The following SLC24A2 variants were observed in gnomAD, a reference collection of about 807,000 sequenced individuals.
SLC24A2 encodes the protein solute carrier family 24 member 2.
SLC24A2 carries 36 observed loss-of-function variants against 62.0 expected under a neutral mutation model. That is an observed-to-expected ratio of 0.58 (90% CI 0.44 to 0.77). SLC24A2 has a LOEUF of 0.77. SLC24A2 is among the 30% of genes least tolerant of loss of function. The pLI, the probability that SLC24A2 is intolerant of heterozygous loss-of-function variation, is 0.00. For synonymous variants in SLC24A2, 358 were observed against 294.0 expected, an observed-to-expected ratio of 1.22 and a Z score of -2.23; for missense variants, 846 against 817.9, an observed-to-expected ratio of 1.03 and a Z score of -0.42.
chr9:19,847,682 C>T, the SLC24A2 span, among the ~76,000 whole-genome samples: 9 of 152,298 alleles, frequency 5.9e-5, no homozygotes, highest in East Asian at 7.7e-4. Flanking sequence ...TTTTGCTACC[C>T]GCACTGGAGG....
chr9:20,262,366 A>T, the SLC24A2 span, among the ~76,000 whole-genome samples: 2 of 152,220 alleles, frequency 1.3e-5, no homozygotes, highest in South Asian at 2.1e-4. Flanking sequence ...AATCAGACCT[A>T]TTCCAGGCTA....
chr9:20,048,535 A>C, the SLC24A2 span, among the ~76,000 whole-genome samples: 3 of 152,226 alleles, frequency 2.0e-5, no homozygotes, highest in Non-Finnish European at 2.9e-5. Flanking sequence ...TTACAGGCTC[A>C]CAAAGCTAGT....
chr9:20,268,310 T>TC, the SLC24A2 span, among the ~76,000 whole-genome samples: 1 of 152,284 alleles, frequency 6.6e-6, no homozygotes, highest in South Asian at 2.1e-4. Flanking sequence ...TGCTATGGTT[T>TC]GAATGTCTCC....
At chr9:20,079,337 T>G in the SLC24A2 span, among the ~76,000 whole-genome samples, 1 of 152,222 alleles carries the variant, frequency 6.6e-6, no homozygotes, top group Admixed American at 6.5e-5. Flanking sequence ...CTTGTTAAAG[T>G]TGCACAGCCA....
the SLC24A2 span, among the ~76,000 whole-genome samples, chr9:20,015,406 T>C: frequency 1.1e-4 from 16 of 152,214 alleles, 1 homozygote; most frequent in East Asian, 3.1e-3. Context: ...GGAAATATGA[T>C]GAGAGTTAGA....
the SLC24A2 span, among the ~76,000 whole-genome samples, chr9:20,017,688 T>G: frequency 6.6e-6 from 1 of 152,160 alleles, no homozygotes; most frequent in Non-Finnish European, 1.5e-5. Context: ...GAGCCCCTGG[T>G]AAATCACTGG....
At chr9:20,160,658 A>G in the SLC24A2 span, among the ~76,000 whole-genome samples, 1 of 151,272 alleles carries the variant, frequency 6.6e-6, no homozygotes, top group East Asian at 1.9e-4. Flanking sequence ...ATTCTATTAA[A>G]CAACTTGTGA....
At chr9:19,750,962 G>A (rs1185298041) in intron 2 of SLC24A2, among the ~76,000 whole-genome samples, 1 of 152,110 alleles carries the variant, frequency 6.6e-6, no homozygotes, top group East Asian at 1.9e-4. Flanking sequence ...TGGTAAGCCG[G>A]CTTCCTTCTC....
At chr9:19,591,773 C>T (rs576828533) in intron 5 of SLC24A2, among the ~76,000 whole-genome samples, 3 of 152,304 alleles carry the variant, frequency 2.0e-5, no homozygotes, top group African/African-American at 7.2e-5. Flanking sequence ...GTCTTGTCTG[C>T]TACTCGAATT....
At chr9:19,519,838 C>T (rs953250532) in intron 10 of SLC24A2, among the ~76,000 whole-genome samples, 2 of 152,174 alleles carry the variant, frequency 1.3e-5, no homozygotes, top group Non-Finnish European at 2.9e-5. Context: ...TGGGGGCTCA[C>T]GTGTAGTTCA....
At chr9:19,765,223 A>G (rs1314145103) in intron 2 of SLC24A2, among the ~76,000 whole-genome samples, 1 of 152,152 alleles carries the variant, frequency 6.6e-6, no homozygotes, top group Non-Finnish European at 1.5e-5. Flanking sequence ...TGAATACAGA[A>G]CACCAATGGG....
At chr9:20,241,518 T>C in the SLC24A2 span, among the ~76,000 whole-genome samples, 1 of 152,200 alleles carries the variant, frequency 6.6e-6, no homozygotes, top group Non-Finnish European at 1.5e-5. Context: ...TATTACTTAA[T>C]TGGGCTGTTG....
At chr9:19,605,316 T>G (rs186881403) in intron 4 of SLC24A2, among the ~76,000 whole-genome samples, 1 of 152,366 alleles carries the variant, frequency 6.6e-6, no homozygotes, top group East Asian at 1.9e-4. Flanking sequence ...TGAACACCTA[T>G]GGACCCCAGG....
chr9:19,790,712 C>T (rs1315600932), upstream of SLC24A2, among the ~76,000 whole-genome samples: 16 of 152,038 alleles, frequency 1.1e-4, no homozygotes, highest in Non-Finnish European at 2.1e-4. Context: ...ATTTATTTTG[C>T]CTTTTCTATA....
At chr9:19,751,610 T>G (rs1283956163) in intron 2 of SLC24A2, among the ~76,000 whole-genome samples, 2 of 152,108 alleles carry the variant, frequency 1.3e-5, no homozygotes, top group African/African-American at 2.4e-5. Context: ...AATCATTTTT[T>G]GGGGAAAAAA....
the SLC24A2 span, among the ~76,000 whole-genome samples, chr9:20,043,926 G>C: frequency 6.6e-6 from 1 of 152,114 alleles, no homozygotes; most frequent in Non-Finnish European, 1.5e-5. Context: ...ACATGCTACA[G>C]AAAAAAATCT....
intron 2 of SLC24A2, among the ~76,000 whole-genome samples, chr9:19,748,617 G>A (rs1821898951): frequency 6.6e-6 from 1 of 152,024 alleles, no homozygotes; most frequent in Non-Finnish European, 1.5e-5. Context: ...CAGCAATATT[G>A]GTCAGTCCCT....
the SLC24A2 span, among the ~76,000 whole-genome samples, chr9:20,109,883 C>T: frequency 6.6e-6 from 1 of 152,072 alleles, no homozygotes; most frequent in African/African-American, 2.4e-5. Context: ...TGGGATGCCA[C>T]TTTTTCAACT....
At chr9:20,247,140 G>A in the SLC24A2 span, among the ~76,000 whole-genome samples, 4 of 152,076 alleles carry the variant, frequency 2.6e-5, no homozygotes, top group African/African-American at 9.7e-5. Flanking sequence ...TTTCTCTATT[G>A]GAAATATTTT....
Sources: gnomAD v4.1 joint callset for allele counts (sites outside exome capture counted in the v4.1 genomes callset) on GRCh38, gnomAD v4.1.1 for gene constraint, MANE v1.5 for transcripts, NCBI Gene and HGNC (gene_info 2026-07-23, HGNC 2026-07-21) for gene names.